Variants in ALDH1L1 observed in about 807,000 individuals in gnomAD.
ALDH1L1 encodes cytosolic 10-formyltetrahydrofolate dehydrogenase.
A neutral mutation model predicts 101.1 loss-of-function variants in ALDH1L1; 68 were observed. The observed-to-expected ratio is 0.67, with a 90% confidence interval of 0.55 to 0.82. The LOEUF (loss-of-function observed/expected upper bound fraction) is 0.82, where lower values mean the gene tolerates loss of function less well. Ranked by LOEUF, ALDH1L1 falls within the 40% of genes least tolerant of loss-of-function variation. ALDH1L1 has a pLI of 0.00. For synonymous variants in ALDH1L1, 486 were observed against 470.8 expected, an observed-to-expected ratio of 1.03 and a Z score of -0.42; for missense variants, 1,087 against 1,172.7, an observed-to-expected ratio of 0.93 and a Z score of 1.07.
At chr3:126,121,557 A>G (rs1266540965) in intron 16 of ALDH1L1, among the ~76,000 whole-genome samples, 5 of 152,364 alleles carry the variant, frequency 3.3e-5, no homozygotes, top group African/African-American at 1.2e-4. Context: ...CATTTCTGGA[A>G]GGCCAGCTTG....
chr3:126,142,181 T>G (rs1377752771), intron 9 of ALDH1L1, among the ~76,000 whole-genome samples: 1 of 146,236 alleles, frequency 6.8e-6, no homozygotes. Flanking sequence ...ATATAACTAG[T>G]AAGGAAACTG....
In ALDH1L1 at chr3:126,158,618, C is replaced by T. The variant is rs1179399353; in HGVS notation, c.149G>A (p.Gly50Glu). The T allele has an allele frequency of 1.2e-6, 2 of 1,613,066 alleles. No individual in the cohort carries two copies. Among genetic ancestry groups the T allele is most frequent in the Non-Finnish European group, 1.7e-6 (2 of 1,179,064 alleles). Residue 50 changes from glycine (G) to glutamate (E), a missense_variant, in exon 3 of 23, where the codon GGA becomes GAA. Gly to Glu is a moderately conservative substitution (Grantham distance 98). Coordinates refer to ENST00000393434, the MANE Select transcript of ALDH1L1 (RefSeq NM_012190.4). ...DPLGLEAEKDGVPVFKYSRWR... is the reference protein window; with the variant it reads ...DPLGLEAEKDEVPVFKYSRWR... ...CCGGGAGTACTTGAATACCGGCACT[C>T]CATCCTTCTCAGCTTCCAGACCTGT...
chr3:126,195,362 T>C (rs2081576200), intron 1 of ALDH1L1, among the ~76,000 whole-genome samples: 1 of 152,226 alleles, frequency 6.6e-6, no homozygotes, highest in African/African-American at 2.4e-5. Context: ...CACATATTTT[T>C]CTTTAGGCCA....
intron 2 of ALDH1L1, chr3:126,160,149 C>A (rs2081011039): frequency 6.5e-6 from 1 of 153,420 alleles, no homozygotes; most frequent in Non-Finnish European, 1.4e-5. Context: ...ACAAGAGATG[C>A]CAGTATCTCC....
intron 21 of ALDH1L1, 138 bp from the exon 22 acceptor site, chr3:126,106,063 G>C: frequency 1.1e-6 from 1 of 899,378 alleles, no homozygotes; most frequent in Non-Finnish European, 1.7e-6. Context: ...AGCGCCGGGG[G>C]CAAGATTGGG....
chr3:126,131,444 G>C lies in ALDH1L1; in HGVS notation c.1563C>G (p.Thr521=), dbSNP rs1433176961. 3.7e-6 allele frequency: 6 copies of C among 1,613,334 alleles called. No homozygotes were observed. The highest frequency in any genetic ancestry group is 5.1e-6 in the Non-Finnish European group (6 of 1,179,452). ...AGAVYTLALK[T]HVGMSIQTFR... Reference sequence around the variant, plus strand: ...AGGTCTGGATGGACATGCCCACGTGGGTCTTCAGGGCCAGCGTGTAGACGG... The same window carrying C: ...AGGTCTGGATGGACATGCCCACGTGCGTCTTCAGGGCCAGCGTGTAGACGG... The change falls in exon 13 of 23, where the codon ACC becomes ACG. Residue 521 remains threonine, a synonymous_variant. Coordinates refer to ENST00000393434, the MANE Select transcript of ALDH1L1 (RefSeq NM_012190.4).
intron 6 of ALDH1L1, among the ~76,000 whole-genome samples, chr3:126,153,863 A>G (rs2080855314): frequency 6.6e-6 from 1 of 152,222 alleles, no homozygotes; most frequent in Admixed American, 6.5e-5. Flanking sequence ...AGGTGCACAG[A>G]CTGGGGGAGA....
At chr3:126,176,614 G>A (rs902022253) in intron 1 of ALDH1L1, among the ~76,000 whole-genome samples, 3 of 152,080 alleles carry the variant, frequency 2.0e-5, no homozygotes, top group Admixed American at 6.5e-5. Flanking sequence ...ACAAATATCT[G>A]TACACTGATG....
At chr3:126,166,765 T>C (rs34421146) in intron 1 of ALDH1L1, among the ~76,000 whole-genome samples, 2 of 151,902 alleles carry the variant, frequency 1.3e-5, no homozygotes, top group Non-Finnish European at 2.9e-5. Flanking sequence ...CCCTTCACAG[T>C]GAAAAAAAAA....
At chr3:126,140,613 T>C (rs2080547750) in intron 9 of ALDH1L1, among the ~76,000 whole-genome samples, 1 of 152,034 alleles carries the variant, frequency 6.6e-6, no homozygotes, top group African/African-American at 2.4e-5. Flanking sequence ...GGGTATACAA[T>C]GTATAAAAAT....
At chr3:126,110,528 C>G (rs914400350) in intron 19 of ALDH1L1, among the ~76,000 whole-genome samples, 5 of 152,130 alleles carry the variant, frequency 3.3e-5, no homozygotes, top group Non-Finnish European at 7.3e-5. Context: ...ATACACCAGC[C>G]CTGCTGCAAT....
intron 1 of ALDH1L1, among the ~76,000 whole-genome samples, chr3:126,168,454 T>C (rs2081210094): frequency 6.6e-6 from 1 of 152,130 alleles, no homozygotes; most frequent in Non-Finnish European, 1.5e-5. Flanking sequence ...ACTTTCTCTC[T>C]TAAACAAAAT....
At chr3:126,111,938 A>G (rs1048811771) in intron 19 of ALDH1L1, among the ~76,000 whole-genome samples, 1 of 152,024 alleles carries the variant, frequency 6.6e-6, no homozygotes, top group Non-Finnish European at 1.5e-5. Context: ...TGTCAACCCC[A>G]CAGTGTTTTC....
At chr3:126,132,517 A>C (rs547083284) in intron 12 of ALDH1L1, among the ~76,000 whole-genome samples, 20 of 151,958 alleles carry the variant, frequency 1.3e-4, no homozygotes, top group African/African-American at 4.8e-4. Flanking sequence ...CCTCCTCCTC[A>C]CATCGGCCTC....
intron 7 of ALDH1L1, 118 bp downstream of exon 7, chr3:126,153,326 G>A: frequency 6.6e-7 from 1 of 1,507,726 alleles, no homozygotes; most frequent in South Asian, 1.1e-5. Context: ...GTTCCTTCCT[G>A]GGTCTGGTTT....
At chr3:126,178,086 T>C (rs991312191) in intron 1 of ALDH1L1, among the ~76,000 whole-genome samples, 13 of 143,744 alleles carry the variant, frequency 9.0e-5, no homozygotes, top group Non-Finnish European at 1.8e-4. Context: ...ATGCATGATG[T>C]TAAAAATAGG....
chr3:126,194,820 C>T (rs1024838077), intron 1 of ALDH1L1, among the ~76,000 whole-genome samples: 1 of 152,106 alleles, frequency 6.6e-6, no homozygotes, highest in African/African-American at 2.4e-5. Flanking sequence ...TCCTCACATA[C>T]CTTGCATGTA....
chr3:126,137,020 C>T (rs2080461446), intron 10 of ALDH1L1, 137 bp from the exon 11 acceptor site: 2 of 1,295,124 alleles, frequency 1.5e-6, no homozygotes, highest in Non-Finnish European at 2.1e-6. Context: ...AACAGCTGAG[C>T]AGGGGAGAGA....
At chr3:126,194,950 A>G (rs1028330556) in intron 1 of ALDH1L1, among the ~76,000 whole-genome samples, 1 of 152,066 alleles carries the variant, frequency 6.6e-6, no homozygotes, top group Non-Finnish European at 1.5e-5. Context: ...CATCTACAAC[A>G]TGCTTGGACT....
Sources: gnomAD v4.1 joint callset for allele counts (sites outside exome capture counted in the v4.1 genomes callset) on GRCh38, gnomAD v4.1.1 for gene constraint, MANE v1.5 for transcripts, NCBI Gene and HGNC (gene_info 2026-07-23, HGNC 2026-07-21) for gene names.